Variants in SLC14A2 observed in about 807,000 individuals in gnomAD.
SLC14A2 encodes urea transporter 2.
In SLC14A2, 91 loss-of-function variants were observed where a neutral mutation model predicts 104.6. The ratio of observed to expected loss-of-function variants is 0.87; its 90% CI spans 0.73 to 1.04. SLC14A2 has a LOEUF of 1.04. Among genes scored for constraint, SLC14A2 ranks in the 50% least tolerant of loss-of-function variants. The probability of loss-of-function intolerance (pLI) is 0.00; values close to 1 mark genes in which losing one functional copy is unlikely to be tolerated. For synonymous variants in SLC14A2, 476 were observed against 466.4 expected (o/e 1.02, Z -0.27); for missense variants, 1,189 against 1,156.0 (o/e 1.03, Z -0.41).
chr18:45,629,716 G>T (rs2045315789), intron 4 of SLC14A2, among the ~76,000 whole-genome samples: 1 of 152,030 alleles, frequency 6.6e-6, no homozygotes, highest in African/African-American at 2.4e-5. Flanking sequence ...CCATTCAGAG[G>T]GTCACTTCAC....
rs200783295 is a variant in SLC14A2, at chr18:45,625,408, T to C, written c.151-275T>C. ...TATCTGATCTTTGCATTTACAAACATTATTCTGAAAAGAAGCTCATGGGCT... is the reference window on the plus strand; with the variant it reads ...TATCTGATCTTTGCATTTACAAACACTATTCTGAAAAGAAGCTCATGGGCT... On this transcript the variant is annotated intron_variant, in intron 2 of 19. Transcript: ENST00000255226. 7.9e-5 allele frequency among the ~76,000 whole-genome samples: 12 copies of C among 152,302 alleles called. No individual in the cohort carries two copies. The East Asian group carries it at 1.7e-3, about 22-fold the overall frequency.
At chr18:45,309,907 A>G (rs186834456) in intron 1 of SLC14A2, among the ~76,000 whole-genome samples, 5 of 152,074 alleles carry the variant, frequency 3.3e-5, no homozygotes, top group Admixed American at 2.0e-4. Flanking sequence ...CTCCATTTAT[A>G]TATATATATA....
chr18:45,554,909 T>C (rs1040268625), intron 2 of SLC14A2, among the ~76,000 whole-genome samples: 2 of 152,240 alleles, frequency 1.3e-5, no homozygotes, highest in Non-Finnish European at 2.9e-5. Context: ...TTGTCTGTAA[T>C]GTGGGATTTT....
At chr18:45,660,984 C>G (rs1003557451) in intron 10 of SLC14A2, among the ~76,000 whole-genome samples, 4 of 152,228 alleles carry the variant, frequency 2.6e-5, no homozygotes, top group African/African-American at 9.6e-5. Flanking sequence ...CTGCTGCCCT[C>G]CCTGGGTGGT....
At chr18:45,560,672 A>C (rs923115406) in intron 2 of SLC14A2, among the ~76,000 whole-genome samples, 1 of 152,208 alleles carries the variant, frequency 6.6e-6, no homozygotes, top group Admixed American at 6.5e-5. Context: ...GTTTAAAGCA[A>C]TGCAAGAAAC....
intron 1 of SLC14A2, among the ~76,000 whole-genome samples, chr18:45,353,226 T>G (rs2085520074): frequency 6.6e-6 from 1 of 152,238 alleles, no homozygotes; most frequent in South Asian, 2.1e-4. Context: ...CATAGTTTGC[T>G]TTAACAGAGG....
At chr18:45,308,713 G>A (rs1385508043) in intron 1 of SLC14A2, among the ~76,000 whole-genome samples, 3 of 152,024 alleles carry the variant, frequency 2.0e-5, no homozygotes, top group Non-Finnish European at 4.4e-5. Context: ...CCATCCAGAT[G>A]GCCAAATCAT....
intron 6 of SLC14A2, 29 bp from the exon 7 acceptor site, chr18:45,639,717 C>G: frequency 6.2e-7 from 1 of 1,610,732 alleles, no homozygotes; most frequent in Non-Finnish European, 8.5e-7. Context: ...GTCCATGCTC[C>G]AGTGACCTGT....
intron 3 of SLC14A2, 52 bp from the exon 4 acceptor site, chr18:45,626,906 G>T: frequency 6.8e-7 from 1 of 1,464,678 alleles, no homozygotes; most frequent in Non-Finnish European, 9.3e-7. Context: ...CAGCAGTTCA[G>T]CAGAGCAGCC....
At chr18:45,331,414 G>T (rs889336509) in intron 1 of SLC14A2, among the ~76,000 whole-genome samples, 1 of 152,146 alleles carries the variant, frequency 6.6e-6, no homozygotes, top group Non-Finnish European at 1.5e-5. Context: ...AATCCTGGCC[G>T]GGTGTGGTGG....
the SLC14A2 span, among the ~76,000 whole-genome samples, chr18:45,168,096 C>G: frequency 6.6e-6 from 1 of 152,206 alleles, no homozygotes; most frequent in Admixed American, 6.5e-5. Flanking sequence ...TGCCCTGAAT[C>G]TACAACTTCA....
chr18:45,390,178 C>T (rs1456966340), intron 1 of SLC14A2, among the ~76,000 whole-genome samples: 1 of 152,138 alleles, frequency 6.6e-6, no homozygotes, highest in Non-Finnish European at 1.5e-5. Context: ...GACACGAGCA[C>T]TGGGAGAAAA....
At chr18:45,494,962 T>C (rs966473864) in intron 2 of SLC14A2, among the ~76,000 whole-genome samples, 1 of 151,518 alleles carries the variant, frequency 6.6e-6, no homozygotes, top group Non-Finnish European at 1.5e-5. Flanking sequence ...TGGATCTCCA[T>C]AATATAAGCT....
intron 1 of SLC14A2, among the ~76,000 whole-genome samples, chr18:45,346,499 A>G (rs183499200): frequency 6.6e-6 from 1 of 152,320 alleles, no homozygotes; most frequent in Admixed American, 6.5e-5. Context: ...AGTTTAGAAA[A>G]CAAATTCTGA....
chr18:45,450,374 C>A (rs2086838613), intron 1 of SLC14A2, among the ~76,000 whole-genome samples: 1 of 152,184 alleles, frequency 6.6e-6, no homozygotes, highest in Non-Finnish European at 1.5e-5. Flanking sequence ...CCAGGGTCAA[C>A]ATTTCTTCTT....
At chr18:45,254,414 TAG>T (rs770892450) in intron 1 of SLC14A2, among the ~76,000 whole-genome samples, 4 of 152,202 alleles carry the variant, frequency 2.6e-5, no homozygotes, top group Non-Finnish European at 5.9e-5. Flanking sequence ...GCTAACATAT[TAG>T]AGGCCACACA....
At chr18:45,184,921 G>A in the SLC14A2 span, among the ~76,000 whole-genome samples, 8 of 152,306 alleles carry the variant, frequency 5.3e-5, no homozygotes, top group East Asian at 1.4e-3. Context: ...CTCATGTTGG[G>A]AAAATAAATA....
rs377354785 is a variant in SLC14A2 at position 45,359,030 on chromosome 18, A to G, written c.-124-124203A>G. 3.9e-5 allele frequency among the ~76,000 whole-genome samples: 6 copies of G among 152,226 alleles called. No homozygotes were observed. In the South Asian group the frequency reaches 1.2e-3, roughly 32 times the overall value. On this transcript the variant is annotated intron_variant, in intron 1 of 20. Coordinates refer to the SLC14A2 transcript ENST00000586448. ...TAATAAACATCTGCAAAATGGAAGC[A>G]AGGATTCCTACACCTGCCACCTAGA...
chr18:45,608,926 G>T (rs2044921600), intron 2 of SLC14A2, among the ~76,000 whole-genome samples: 1 of 152,192 alleles, frequency 6.6e-6, no homozygotes, highest in African/African-American at 2.4e-5. Context: ...TTGGGTAGCT[G>T]GTCCAGAGGA....
Sources: allele counts gnomAD v4.1 joint callset (sites outside exome capture counted in the v4.1 genomes callset), GRCh38; gene constraint gnomAD v4.1.1; transcripts MANE v1.5; gene names NCBI Gene and HGNC (gene_info 2026-07-23, HGNC 2026-07-21).